The following WWOX variants were observed in gnomAD, a reference collection of about 807,000 sequenced individuals.
The protein encoded by WWOX is WW domain-containing oxidoreductase.
In WWOX, 69 loss-of-function variants were observed where a neutral mutation model predicts 46.2. The ratio of observed to expected loss-of-function variants is 1.49; its 90% CI spans 1.23 to 1.82. The LOEUF (loss-of-function observed/expected upper bound fraction) is 1.82, where lower values mean the gene tolerates loss of function less well. Among genes scored for constraint, WWOX ranks in the 40% most tolerant of loss-of-function variants. The pLI, the probability that WWOX is intolerant of heterozygous loss-of-function variation, is 0.00. For synonymous variants in WWOX, 359 were observed against 202.6 expected, an observed-to-expected ratio of 1.77 and a Z score of -6.56; for missense variants, 919 against 542.6, an observed-to-expected ratio of 1.69 and a Z score of -6.89.
intron 8 of WWOX, among the ~76,000 whole-genome samples, chr16:78,961,537 T>C (rs940123747): frequency 4.0e-5 from 6 of 151,688 alleles, no homozygotes; most frequent in Non-Finnish European, 8.8e-5. Flanking sequence ...GGTGGGTACA[T>C]AGATGGATGT....
rs149967225 is a variant in WWOX at position 78,825,716 on chromosome 16, C to G, written c.1057-385892C>G. 5.3e-6 allele frequency: 3 copies of G among 563,416 alleles called. No homozygotes were observed. In the East Asian group the frequency reaches 1.2e-4, roughly 22 times the overall value. 34.9% of individuals were successfully genotyped at this position (563,416 alleles called of 1,614,324 possible). A position where few individuals can be genotyped will look rare whatever the true frequency, so the allele number is the denominator to read the frequency against. On this transcript the variant is annotated intron_variant, in intron 8 of 8. Coordinates refer to ENST00000566780, the MANE Select transcript of WWOX (RefSeq NM_016373.4). Reference sequence around the variant, plus strand: ...CTGGGAGACTCTGAGGACAGAGGGTCAAATCCATGAGTTTGTGGATGGCCT... The same window carrying G: ...CTGGGAGACTCTGAGGACAGAGGGTGAAATCCATGAGTTTGTGGATGGCCT...
intron 8 of WWOX, among the ~76,000 whole-genome samples, chr16:78,974,320 A>G (rs1333052497): frequency 6.6e-6 from 1 of 152,222 alleles, no homozygotes; most frequent in Non-Finnish European, 1.5e-5. Flanking sequence ...TACAGATAAT[A>G]AAGCAGGGGA....
At chr16:78,710,473 C>CATATATATGTATATATATATAT (rs2048415804) in intron 8 of WWOX, among the ~76,000 whole-genome samples, 1 of 63,590 alleles carries the variant, frequency 1.6e-5, no homozygotes, top group Non-Finnish European at 3.2e-5. Flanking sequence ...TAATGGATCT[C>CATATATATGTATATATATATAT]ATATATATAT....
At chr16:79,043,782 T>C (rs1438336059) in intron 8 of WWOX, among the ~76,000 whole-genome samples, 1 of 152,206 alleles carries the variant, frequency 6.6e-6, no homozygotes, top group Non-Finnish European at 1.5e-5. Context: ...CTTTCTCTGG[T>C]CCTCAGTTTT....
chr16:78,422,607 A>G (rs955463422), intron 6 of WWOX, among the ~76,000 whole-genome samples: 1 of 138,826 alleles, frequency 7.2e-6, no homozygotes, highest in African/African-American at 2.6e-5. Flanking sequence ...TAGCCTCCCA[A>G]AGTGCTGGAA....
intron 8 of WWOX, among the ~76,000 whole-genome samples, chr16:78,500,860 A>G (rs1178704709): frequency 6.6e-6 from 1 of 152,174 alleles, no homozygotes; most frequent in African/African-American, 2.4e-5. Flanking sequence ...GCCTGCTAGG[A>G]GTCGATATTT....
intron 8 of WWOX, among the ~76,000 whole-genome samples, chr16:78,983,511 G>A (rs1219767636): frequency 1.3e-5 from 2 of 152,194 alleles, no homozygotes; most frequent in African/African-American, 4.8e-5. Flanking sequence ...AGGAAGGGGA[G>A]AAGAAATGGG....
intron 8 of WWOX, among the ~76,000 whole-genome samples, chr16:78,999,538 T>A (rs2047053853): frequency 6.6e-6 from 1 of 152,162 alleles, no homozygotes; most frequent in South Asian, 2.1e-4. Context: ...ATGGAGGAAA[T>A]CTAGACATCA....
At chr16:78,528,726 C>G (rs528216828) in intron 8 of WWOX, among the ~76,000 whole-genome samples, 30 of 151,804 alleles carry the variant, frequency 2.0e-4, no homozygotes, top group South Asian at 6.3e-4. Context: ...TAAATTTGGC[C>G]GGTGAAAATG....
intron 8 of WWOX, among the ~76,000 whole-genome samples, chr16:79,155,731 A>C (rs913309253): frequency 1.3e-4 from 20 of 152,282 alleles, no homozygotes; most frequent in African/African-American, 4.8e-4. Flanking sequence ...GAAGCTCCTA[A>C]CAGGCTGATA....
intron 8 of WWOX, among the ~76,000 whole-genome samples, chr16:78,488,163 G>T (rs1234525215): frequency 1.3e-5 from 2 of 152,188 alleles, no homozygotes; most frequent in African/African-American, 4.8e-5. Flanking sequence ...GCTACCTTTG[G>T]CTGGGGATGG....
At position 78,334,864 on chromosome 16, in the gene WWOX, C is replaced by G. The variant is rs897376278; in HGVS notation, c.517-51996C>G. The stretch of plus-strand genomic sequence containing the variant: ...CACACACACACACACACAAAATCAC[C>G]AAATCACACCTGAACAAGAGGAAGA... On this transcript the variant is annotated intron_variant, in intron 5 of 8. Coordinates refer to ENST00000566780, the MANE Select transcript of WWOX (RefSeq NM_016373.4). Among the ~76,000 whole-genome samples, 6 of 138,310 alleles carry G rather than the reference C, an allele frequency of 4.3e-5. No individual in the cohort carries two copies. In the East Asian group the frequency reaches 8.2e-4, roughly 19 times the overall value. 90.7% of individuals were successfully genotyped at this position (138,310 alleles called of 152,430 possible).
intron 8 of WWOX, among the ~76,000 whole-genome samples, chr16:78,859,833 C>T (rs541166101): frequency 1.1e-3 from 79 of 69,168 alleles, no homozygotes; most frequent in Non-Finnish European, 1.8e-3. Context: ...TGTGATTTAA[C>T]AGTGATTTTT....
chr16:78,120,566 G>T (rs2033043049), intron 4 of WWOX, among the ~76,000 whole-genome samples: 1 of 143,568 alleles, frequency 7.0e-6, no homozygotes, highest in Non-Finnish European at 1.5e-5. Flanking sequence ...GACAGAGCGA[G>T]ACTCCGTCTC....
At chr16:78,329,980 C>A (rs925848467) in intron 5 of WWOX, among the ~76,000 whole-genome samples, 1 of 152,080 alleles carries the variant, frequency 6.6e-6, no homozygotes, top group African/African-American at 2.4e-5. Flanking sequence ...GTCTCAAATT[C>A]CTGGCCTCAA....
At chr16:78,814,747 C>T (rs974760567) in intron 8 of WWOX, among the ~76,000 whole-genome samples, 1 of 152,208 alleles carries the variant, frequency 6.6e-6, no homozygotes, top group East Asian at 1.9e-4. Flanking sequence ...ACTAATGTGA[C>T]ATGGCAGTGT....
At chr16:78,515,501 C>T (rs2085466722) in intron 8 of WWOX, among the ~76,000 whole-genome samples, 1 of 152,012 alleles carries the variant, frequency 6.6e-6, no homozygotes, top group African/African-American at 2.4e-5. Context: ...GGTCATTTCC[C>T]CGGAAGTGTG....
intron 5 of WWOX, among the ~76,000 whole-genome samples, chr16:78,231,549 C>G: frequency 6.6e-6 from 1 of 152,208 alleles, no homozygotes; most frequent in East Asian, 1.9e-4. Flanking sequence ...ATAAACTCCT[C>G]TGCAGAATCC....
intron 8 of WWOX, among the ~76,000 whole-genome samples, chr16:79,201,512 A>C (rs2051351773): frequency 6.6e-6 from 1 of 152,106 alleles, no homozygotes; most frequent in Admixed American, 6.5e-5. Flanking sequence ...TTGTGCCATC[A>C]AATTAAGTTT....
Sources: gnomAD v4.1 joint callset for allele counts (sites outside exome capture counted in the v4.1 genomes callset) on GRCh38, gnomAD v4.1.1 for gene constraint, MANE v1.5 for transcripts, NCBI Gene and HGNC (gene_info 2026-07-23, HGNC 2026-07-21) for gene names.